Variants in HSD17B3 observed in about 807,000 individuals in gnomAD.
HSD17B3 encodes the protein hydroxysteroid 17-beta dehydrogenase 3.
A neutral mutation model predicts 41.1 loss-of-function variants in HSD17B3; 29 were observed. That is an observed-to-expected ratio of 0.71 (90% CI 0.53 to 0.96). The LOEUF is 0.96. HSD17B3 is among the 40% of genes least tolerant of loss of function. The probability of loss-of-function intolerance (pLI) is 0.00; values close to 1 mark genes in which losing one functional copy is unlikely to be tolerated. For missense variants in HSD17B3, 323 were observed against 374.6 expected (o/e 0.86, Z 1.14); for synonymous variants, 126 against 145.6 (o/e 0.87, Z 0.97).
intron 2 of HSD17B3, among the ~76,000 whole-genome samples, chr9:96,261,643 G>C (rs1379772686): frequency 1.3e-5 from 2 of 152,210 alleles, no homozygotes; most frequent in Non-Finnish European, 2.9e-5. Flanking sequence ...ACCTCCACGG[G>C]GAGAACCCAT....
Position 96,251,434 on chromosome 9 carries a change from G to A in HSD17B3, c.437C>T (p.Ala146Val), listed in dbSNP as rs1227310598. ...PNLLPSHFLN[A>V]PDEIQSLIHC... ...CAAGTCTACCTGGATTTCATCCGGT[G>A]CGTTCAGGAAATGGCTTGGGAGAAG... is the stretch of plus-strand genomic sequence containing the variant. The change falls in exon 5 of 11, where the codon GCA becomes GTA. Residue 146 changes from alanine to valine, a missense_variant. Coordinates refer to ENST00000375263, the MANE Select transcript of HSD17B3 (RefSeq NM_000197.2). The A allele has an allele frequency of 2.5e-6, 4 of 1,614,062 alleles. No homozygotes were observed. Among genetic ancestry groups the A allele is most frequent in the Non-Finnish European group, 3.4e-6 (4 of 1,179,910 alleles).
rs1827448362 is a variant in HSD17B3 at position 96,298,457 on chromosome 9, T to G, written c.160A>C (p.Thr54Pro). The G allele has an allele frequency of 6.2e-7, 1 of 1,613,386 alleles. No individual in the cohort carries two copies. ...LRSMGQWAVI[T>P]GAGDGIGKAY... is the part of the protein sequence containing the mutation. ...TTCCCAATTCCATCGCCTGCTCCAG[T>G]GATCACTGTGAAAAGCAAGAATGCT... The change falls in exon 2 of 11, where the codon ACT (threonine) becomes CCT (proline). Residue 54 changes from threonine to proline, a missense_variant. Transcript: ENST00000375263.
chr9:96,268,593 A>C (rs935795613), intron 2 of HSD17B3, among the ~76,000 whole-genome samples: 6 of 152,146 alleles, frequency 3.9e-5, no homozygotes, highest in African/African-American at 1.4e-4. Flanking sequence ...AAAATTACAC[A>C]ATCTTTTTCA....
At chr9:96,269,047 T>C (rs1397054462) in intron 2 of HSD17B3, among the ~76,000 whole-genome samples, 1 of 151,542 alleles carries the variant, frequency 6.6e-6, no homozygotes, top group Non-Finnish European at 1.5e-5. Flanking sequence ...GGCAGTTTCA[T>C]CGTGCCAACA....
intron 2 of HSD17B3, among the ~76,000 whole-genome samples, chr9:96,297,509 G>A (rs1264442369): frequency 4.0e-5 from 6 of 151,896 alleles, no homozygotes; most frequent in South Asian, 2.1e-4. Flanking sequence ...AACACACCCT[G>A]CTAATTTTTG....
intron 2 of HSD17B3, among the ~76,000 whole-genome samples, chr9:96,261,871 G>T (rs1025617348): frequency 3.9e-4 from 60 of 152,226 alleles, no homozygotes; most frequent in Middle Eastern, 3.2e-3. Context: ...GTCTTCCGAT[G>T]GCAGTGATGT....
intron 2 of HSD17B3, among the ~76,000 whole-genome samples, chr9:96,265,486 AC>A (rs1826018101): frequency 6.6e-6 from 1 of 152,246 alleles, no homozygotes; most frequent in African/African-American, 2.4e-5. Flanking sequence ...CAACAGTTAT[AC>A]TATAATCCTA....
At chr9:96,278,142 T>A (rs1350925370) in intron 2 of HSD17B3, among the ~76,000 whole-genome samples, 2 of 152,154 alleles carry the variant, frequency 1.3e-5, no homozygotes, top group Non-Finnish European at 2.9e-5. Context: ...GCAGGATGAA[T>A]GAGATCTAGA....
intron 5 of HSD17B3, chr9:96,250,289 G>A: frequency 9.2e-7 from 1 of 1,085,320 alleles, no homozygotes; most frequent in African/African-American, 1.6e-5. Context: ...ACAGGCAGAG[G>A]AGCAACCCTG....
At chr9:96,271,680 C>T (rs901847423) in intron 2 of HSD17B3, among the ~76,000 whole-genome samples, 1 of 152,208 alleles carries the variant, frequency 6.6e-6, no homozygotes, top group Non-Finnish European at 1.5e-5. Flanking sequence ...GATCTACTTG[C>T]CAATAGGGAA....
At position 96,269,526 on chromosome 9, in the gene HSD17B3, T is replaced by C. The variant is rs116051871; in HGVS notation, c.202-14583A>G. 4.6e-3 allele frequency among the ~76,000 whole-genome samples: 698 copies of C among 152,318 alleles called. 6 individuals carry two copies. The highest frequency in any genetic ancestry group is 0.016 in the African/African-American group (673 of 41,564). On this transcript the variant is annotated intron_variant, in intron 2 of 10. Coordinates refer to ENST00000375263, the MANE Select transcript of HSD17B3 (RefSeq NM_000197.2). ...AATAGAATACTATATGTACTGAAGA[T>C]AAATGAACCATGTTCCATGGTTCAT...
Position 96,293,253 on chromosome 9 carries a change from A to C in HSD17B3, c.201+5163T>G, listed in dbSNP as rs555566251. Among the ~76,000 whole-genome samples the C allele has an allele frequency of 3.3e-5, 5 of 152,374 alleles. No homozygotes were observed. The South Asian group carries it at 1.0e-3, about 32-fold the overall frequency. The stretch of plus-strand genomic sequence containing the variant: ...TGTAAAGCTATCTTTATATGAGATT[A>C]ACATCTAAATTAGTAGACTTTGAGT... On this transcript the variant is annotated intron_variant, in intron 2 of 10. Coordinates refer to ENST00000375263, the MANE Select transcript of HSD17B3 (RefSeq NM_000197.2).
chr9:96,245,537 C>T, intron 7 of HSD17B3, 111 bp from the exon 8 acceptor site: 1 of 787,182 alleles, frequency 1.3e-6, no homozygotes. Context: ...CCTTTCTAGG[C>T]TTCCGCAAGT....
At position 96,298,299 on chromosome 9, in the gene HSD17B3, C is replaced by T. The variant is rs8190505; in HGVS notation, c.201+117G>A. 6,064 of 833,772 alleles carry T rather than the reference C, an allele frequency of 7.3e-3. 223 individuals are homozygous for T. In the African/African-American group the frequency reaches 0.082, roughly 11 times the overall value. 51.6% of individuals were successfully genotyped at this position (833,772 alleles called of 1,614,324 possible). On this transcript the variant is annotated intron_variant, in intron 2 of 10. Transcript: ENST00000375263. The stretch of plus-strand genomic sequence containing the variant: ...TTTGCTTTTCCATAGAGTATATTTT[C>T]TCCTTTAAATGAATGCATACTGCTT...
intron 2 of HSD17B3, among the ~76,000 whole-genome samples, chr9:96,283,672 A>G (rs961233065): frequency 6.6e-5 from 10 of 152,132 alleles, no homozygotes; most frequent in Admixed American, 5.9e-4. Context: ...TTCCTTTGTC[A>G]ATCATGTTTT....
chr9:96,295,123 C>T (rs1827299941), intron 2 of HSD17B3, among the ~76,000 whole-genome samples: 1 of 150,562 alleles, frequency 6.6e-6, no homozygotes, highest in Non-Finnish European at 1.5e-5. Flanking sequence ...TCTCCTGCCT[C>T]AGCCTCCTGA....
At position 96,246,604 on chromosome 9, in the gene HSD17B3, C is replaced by T. The variant is rs1339576857; in HGVS notation, c.490-14G>A. Reference sequence around the variant, plus strand: ...TAGCTGTGTCATCTACAAGAGAAGGCCAAAGGTAAGCCCGACAAGGAACTA... The same window carrying T: ...TAGCTGTGTCATCTACAAGAGAAGGTCAAAGGTAAGCCCGACAAGGAACTA... On this transcript the variant is annotated splice_polypyrimidine_tract_variant and intron_variant, in intron 6 of 10. Transcript: ENST00000375263. 1.9e-6 allele frequency: 3 copies of T among 1,613,634 alleles called. No individual in the cohort carries two copies. The highest frequency in any genetic ancestry group is 4.5e-5 in the East Asian group (2 of 44,890).
intron 2 of HSD17B3, among the ~76,000 whole-genome samples, chr9:96,260,416 C>A (rs1217145140): frequency 1.3e-5 from 2 of 152,158 alleles, no homozygotes; most frequent in Admixed American, 6.5e-5. Context: ...ATCTAACCAG[C>A]CCCTTGTCTT....
At chr9:96,293,824 A>C (rs965906730) in intron 2 of HSD17B3, among the ~76,000 whole-genome samples, 4 of 152,224 alleles carry the variant, frequency 2.6e-5, no homozygotes, top group African/African-American at 9.6e-5. Flanking sequence ...ACTCTGAGCA[A>C]ACCATTTTGC....
Sources: gnomAD v4.1 joint callset for allele counts (sites outside exome capture counted in the v4.1 genomes callset) on GRCh38, gnomAD v4.1.1 for gene constraint, MANE v1.5 for transcripts, NCBI Gene and HGNC (gene_info 2026-07-23, HGNC 2026-07-21) for gene names.